FUT8: variants seen among roughly 807,000 people sequenced by gnomAD.
The protein encoded by FUT8 is alpha-(1,6)-fucosyltransferase.
In FUT8, 29 loss-of-function variants were observed where a neutral mutation model predicts 71.3. The observed-to-expected ratio is 0.41, with a 90% CI of 0.30 to 0.55. The LOEUF (loss-of-function observed/expected upper bound fraction) is 0.55, where lower values mean the gene tolerates loss of function less well. FUT8 is among the 20% of genes least tolerant of loss of function. FUT8 has a pLI of 0.34. For missense variants in FUT8, 544 were observed against 702.1 expected (o/e 0.77, Z 2.55); for synonymous variants, 254 against 239.3 (o/e 1.06, Z -0.57).
At chr14:65,588,303 T>C (rs534185392) in intron 3 of FUT8, among the ~76,000 whole-genome samples, 86 of 152,308 alleles carry the variant, frequency 5.6e-4, no homozygotes, top group Non-Finnish European at 1.1e-3. Context: ...GTTTGAAATG[T>C]CTTTTCCTTC....
chr14:65,536,464 T>C (rs964274275), intron 2 of FUT8, among the ~76,000 whole-genome samples: 3 of 151,946 alleles, frequency 2.0e-5, no homozygotes, highest in Non-Finnish European at 2.9e-5. Flanking sequence ...ATGAATTCCC[T>C]CAGCATTTGC....
chr14:65,477,586 G>C (rs2066265450), intron 2 of FUT8, among the ~76,000 whole-genome samples: 1 of 152,082 alleles, frequency 6.6e-6, no homozygotes, highest in Admixed American at 6.6e-5. Context: ...TATCTGACCT[G>C]CAGCTAATCA....
At position 65,627,258 on chromosome 14, in the gene FUT8, G is replaced by C. The variant is rs1256000248; in HGVS notation, c.483-2234G>C. Among the ~76,000 whole-genome samples, 4 of 152,146 alleles carry C rather than the reference G, an allele frequency of 2.6e-5. No homozygotes were observed. Among genetic ancestry groups the C allele is most frequent in the African/African-American group, 9.7e-5 (4 of 41,422 alleles). The stretch of plus-strand genomic sequence containing the variant: ...TGCTTAGAAAAAAAAAATAAGCAGG[G>C]AAGGAGTGTTAGCAGCAGTGAATCC... On this transcript the variant is annotated intron_variant, in intron 5 of 10. Coordinates refer to ENST00000673929, the MANE Select transcript of FUT8 (RefSeq NM_001371533.1). The surrounding 1 kb of genome is among the most constrained non-coding windows in gnomAD (Gnocchi z 4.0).
chr14:65,442,198 G>C (rs1187854897), intron 1 of FUT8, among the ~76,000 whole-genome samples: 1 of 149,258 alleles, frequency 6.7e-6, no homozygotes, highest in Non-Finnish European at 1.5e-5. Flanking sequence ...TTTTTTTGAG[G>C]CTGAGTCTTG....
chr14:65,615,445 T>A (rs1889230925), intron 3 of FUT8, among the ~76,000 whole-genome samples: 1 of 152,222 alleles, frequency 6.6e-6, no homozygotes, highest in African/African-American at 2.4e-5. Flanking sequence ...TACTCTTGTC[T>A]TTCTTTTTTC....
intron 2 of FUT8, among the ~76,000 whole-genome samples, chr14:65,493,474 G>A (rs17779061): frequency 0.013 from 1,944 of 152,116 alleles, 24 homozygotes; most frequent in Non-Finnish European, 0.02. Context: ...GGTTCAGGAA[G>A]CTTGACAAAA....
At chr14:65,386,526 A>G in the FUT8 span, among the ~76,000 whole-genome samples, 2 of 150,656 alleles carry the variant, frequency 1.3e-5, no homozygotes, top group African/African-American at 4.9e-5. Flanking sequence ...AAAAAAAAAA[A>G]AAAGAAAGGG....
At position 65,742,938 on chromosome 14, in the gene FUT8, C is replaced by T; in HGVS notation, c.*528C>T. On this transcript the variant is annotated 3_prime_UTR_variant, in exon 11 of 11. Coordinates refer to ENST00000673929, the MANE Select transcript of FUT8 (RefSeq NM_001371533.1). ...TTTTTTGTTTTTGTTTTTGTTTTTT[C>T]CTTTATAAGGTTGTCTGTTTTTTTT... 6.7e-6 allele frequency: 1 copy of T among 149,882 alleles called. No individual in the cohort carries two copies. 9.3% of individuals were successfully genotyped at this position (149,882 alleles called of 1,614,324 possible). A position where few individuals can be genotyped will look rare whatever the true frequency, so the allele number is the denominator to read the frequency against.
At chr14:65,553,543 T>C (rs1366990816) in intron 2 of FUT8, among the ~76,000 whole-genome samples, 1 of 152,126 alleles carries the variant, frequency 6.6e-6, no homozygotes, top group Non-Finnish European at 1.5e-5. Context: ...TCTGGTATCA[T>C]ACTCCTCCTT....
In FUT8 at chr14:65,575,591, C is replaced by CTTCCTTCT. The variant is rs1886720601; in HGVS notation, c.203+13832_203+13833insTTTCCTTC. On this transcript the variant is annotated intron_variant, in intron 3 of 10. Transcript: ENST00000673929. Reference sequence around the variant, plus strand: ...TCTTTCCTTCCTTCCTTCTTCCTTCCTTCCTTCCTTCCTTCCTTCCTTCCT... The same window carrying CTTCCTTCT: ...TCTTTCCTTCCTTCCTTCTTCCTTCCTTCCTTCTTTCCTTCCTTCCTTCCTTCCTTCCT... Among the ~76,000 whole-genome samples, 9 of 140,964 alleles carry CTTCCTTCT rather than the reference C, an allele frequency of 6.4e-5. 3 individuals are homozygous for CTTCCTTCT. The highest frequency in any genetic ancestry group is 2.5e-4 in the African/African-American group (9 of 35,530). 92.5% of individuals were successfully genotyped at this position (140,964 alleles called of 152,430 possible).
chr14:65,575,877 C>T (rs1886745182), intron 3 of FUT8, among the ~76,000 whole-genome samples: 1 of 152,086 alleles, frequency 6.6e-6, no homozygotes, highest in South Asian at 2.1e-4. Context: ...GCCTTGGCCT[C>T]CCCAAGTGCT....
At chr14:65,662,965 A>AT (rs1892040802) in intron 6 of FUT8, among the ~76,000 whole-genome samples, 1 of 152,204 alleles carries the variant, frequency 6.6e-6, no homozygotes, top group Admixed American at 6.5e-5. Flanking sequence ...GAGCTAGAAT[A>AT]TATCTGCCTA....
At chr14:65,370,591 A>G in the FUT8 span, among the ~76,000 whole-genome samples, 1 of 149,994 alleles carries the variant, frequency 6.7e-6, no homozygotes, top group Admixed American at 6.7e-5. Flanking sequence ...ACAAAAATAT[A>G]TATAAGTATA....
intron 9 of FUT8, among the ~76,000 whole-genome samples, chr14:65,728,314 G>A (rs1007933359): frequency 1.6e-4 from 24 of 152,208 alleles, no homozygotes; most frequent in African/African-American, 5.8e-4. Flanking sequence ...AAAAGAAAGA[G>A]GTTTAATGGA....
intron 6 of FUT8, among the ~76,000 whole-genome samples, chr14:65,640,343 T>G (rs1276090971): frequency 2.0e-5 from 3 of 152,096 alleles, no homozygotes; most frequent in African/African-American, 7.2e-5. Context: ...GTTATGATAT[T>G]GATTTTTTAA....
In FUT8 at chr14:65,697,350, G is replaced by T. The variant is rs144917589; in HGVS notation, c.836-24425G>T. Among the ~76,000 whole-genome samples the T allele has an allele frequency of 5.1e-3, 776 of 152,232 alleles. 7 individuals carry two copies. The highest frequency in any genetic ancestry group is 0.018 in the African/African-American group (742 of 41,530). ...TGCAATTTCTCCTTATTGTTCATCAGTCTTATTGATGTGATGGTATGGTTT... is the reference window on the plus strand; with the variant it reads ...TGCAATTTCTCCTTATTGTTCATCATTCTTATTGATGTGATGGTATGGTTT... On this transcript the variant is annotated intron_variant, in intron 7 of 10. Transcript: ENST00000673929.
At chr14:65,623,437 G>A (rs1220285486) in intron 5 of FUT8, among the ~76,000 whole-genome samples, 1 of 152,086 alleles carries the variant, frequency 6.6e-6, no homozygotes, top group African/African-American at 2.4e-5. Context: ...GTTCTACTTG[G>A]CGGGGCGCGG....
At chr14:65,722,917 T>C (rs1895492011) in intron 8 of FUT8, among the ~76,000 whole-genome samples, 1 of 152,198 alleles carries the variant, frequency 6.6e-6, no homozygotes, top group South Asian at 2.1e-4. Flanking sequence ...TCTACCTTTT[T>C]CTACATATAA....
intron 7 of FUT8, among the ~76,000 whole-genome samples, chr14:65,683,190 T>A (rs1250807702): frequency 6.6e-6 from 1 of 152,058 alleles, no homozygotes; most frequent in Non-Finnish European, 1.5e-5. Flanking sequence ...ATTTTTTGTA[T>A]TTTTAATATA....
Sources: gnomAD v4.1 joint callset for allele counts (sites outside exome capture counted in the v4.1 genomes callset) on GRCh38, gnomAD v4.1.1 for gene constraint, Gnocchi (gnomAD v3.1) non-coding constraint, MANE v1.5 for transcripts, NCBI Gene and HGNC (gene_info 2026-07-23, HGNC 2026-07-21) for gene names.